GRIK1: variants seen among roughly 807,000 people sequenced by gnomAD.
The protein encoded by GRIK1 is glutamate receptor ionotropic, kainate 1.
Under a neutral mutation model 105.7 loss-of-function variants are expected in GRIK1, and 69 were observed. That is an observed-to-expected ratio of 0.65 (90% CI 0.54 to 0.80). The LOEUF (loss-of-function observed/expected upper bound fraction) is 0.80. GRIK1 is among the 30% of genes least tolerant of loss of function. The probability of loss-of-function intolerance (pLI) is 0.00; values close to 1 mark genes in which losing one functional copy is unlikely to be tolerated. For synonymous variants in GRIK1, 438 were observed against 431.3 expected (o/e 1.02, Z -0.19); for missense variants, 1,109 against 1,167.3 (o/e 0.95, Z 0.73).
At chr21:29,925,224 C>T (rs1406712527) in intron 1 of GRIK1, among the ~76,000 whole-genome samples, 1 of 152,184 alleles carries the variant, frequency 6.6e-6, no homozygotes, top group African/African-American at 2.4e-5. Context: ...AAATTTCTTG[C>T]ATGGTTTTTA....
chr21:29,716,385 A>C (rs1217616315), intron 1 of GRIK1, among the ~76,000 whole-genome samples: 1 of 152,210 alleles, frequency 6.6e-6, no homozygotes, highest in African/African-American at 2.4e-5. Flanking sequence ...AGAAAACAAC[A>C]GGAAAATGTA....
At chr21:29,815,840 A>G (rs760498558) in intron 1 of GRIK1, among the ~76,000 whole-genome samples, 19 of 152,278 alleles carry the variant, frequency 1.2e-4, no homozygotes, top group Non-Finnish European at 2.5e-4. Context: ...ATGAAACTAT[A>G]AAACTACTAG....
intron 1 of GRIK1, among the ~76,000 whole-genome samples, chr21:29,721,072 C>T (rs1253577925): frequency 6.6e-6 from 1 of 152,074 alleles, no homozygotes; most frequent in Non-Finnish European, 1.5e-5. Context: ...TTTACTCTCC[C>T]CCTAAGTTGC....
Position 29,600,820 on chromosome 21 carries a change from C to G in GRIK1, c.1099-1883G>C, listed in dbSNP as rs540378525. Among the ~76,000 whole-genome samples, 4 of 152,328 alleles carry G rather than the reference C, an allele frequency of 2.6e-5. No individual in the cohort carries two copies. In the South Asian group the frequency reaches 6.2e-4, roughly 24 times the overall value. ...AATTCTAGAGTTTGGCTATTACTATCTCACGTTTAGCCTTTACTTGGCTGT... is the reference window on the plus strand; with the variant it reads ...AATTCTAGAGTTTGGCTATTACTATGTCACGTTTAGCCTTTACTTGGCTGT... On this transcript the variant is annotated intron_variant, in intron 7 of 17. Coordinates refer to ENST00000327783, the MANE Select transcript of GRIK1 (RefSeq NM_001330994.2).
intron 1 of GRIK1, among the ~76,000 whole-genome samples, chr21:29,923,041 TTATGTG>T (rs949049974): frequency 2.0e-5 from 3 of 152,276 alleles, no homozygotes; most frequent in East Asian, 1.9e-4. Flanking sequence ...TTGTGTGTGT[TTATGTG>T]TATGTGTATG....
chr21:29,843,176 T>A (rs2068026764), intron 1 of GRIK1, among the ~76,000 whole-genome samples: 1 of 152,126 alleles, frequency 6.6e-6, no homozygotes, highest in Non-Finnish European at 1.5e-5. Flanking sequence ...TTTTAAAAAC[T>A]TGTTGGATTG....
At chr21:29,650,696 C>T (rs974807784) in intron 6 of GRIK1, among the ~76,000 whole-genome samples, 19 of 152,156 alleles carry the variant, frequency 1.2e-4, no homozygotes, top group Admixed American at 9.2e-4. Flanking sequence ...TTTGTAAATC[C>T]GACATTTTTC....
At chr21:29,921,112 T>C (rs575617202) in intron 1 of GRIK1, among the ~76,000 whole-genome samples, 2 of 152,172 alleles carry the variant, frequency 1.3e-5, no homozygotes, top group East Asian at 1.9e-4. Context: ...GTAGCACTCC[T>C]GACCTCTAAC....
At chr21:29,939,131 C>A (rs1241824358) in intron 1 of GRIK1, among the ~76,000 whole-genome samples, 22 of 152,170 alleles carry the variant, frequency 1.4e-4, no homozygotes, top group Admixed American at 1.4e-3. Flanking sequence ...TCCCCGCACT[C>A]TAGCCCGCGT....
chr21:29,691,386 G>A (rs1351256561), intron 2 of GRIK1, among the ~76,000 whole-genome samples: 1 of 152,152 alleles, frequency 6.6e-6, no homozygotes, highest in African/African-American at 2.4e-5. Flanking sequence ...TAATATTATA[G>A]CACTTACCTT....
At chr21:29,886,983 T>G (rs2069655337) in intron 1 of GRIK1, among the ~76,000 whole-genome samples, 2 of 152,188 alleles carry the variant, frequency 1.3e-5, no homozygotes, top group African/African-American at 4.8e-5. Flanking sequence ...GGGGGGATGA[T>G]TAAGGCATAG....
intron 1 of GRIK1, among the ~76,000 whole-genome samples, chr21:29,807,813 G>C (rs761953533): frequency 1.3e-5 from 2 of 152,026 alleles, no homozygotes; most frequent in Non-Finnish European, 2.9e-5. Flanking sequence ...GATGAGTTCA[G>C]AGCATCAGTA....
At chr21:29,871,174 C>T (rs532182401) in intron 1 of GRIK1, among the ~76,000 whole-genome samples, 3 of 152,314 alleles carry the variant, frequency 2.0e-5, no homozygotes, top group East Asian at 1.9e-4. Flanking sequence ...TAGACACAAG[C>T]TTCCAGAGGG....
At chr21:29,597,638 A>G (rs1228228916) in intron 8 of GRIK1, 1 of 468,174 alleles carries the variant, frequency 2.1e-6, no homozygotes, top group Admixed American at 2.4e-5. Flanking sequence ...TGTCAGACCA[A>G]CAGAGGGGCA....
chr21:29,885,160 G>T (rs1325072467), intron 1 of GRIK1, among the ~76,000 whole-genome samples: 1 of 152,014 alleles, frequency 6.6e-6, no homozygotes, highest in African/African-American at 2.4e-5. Flanking sequence ...ATTGTATAAT[G>T]ATCAAATCAG....
intron 3 of GRIK1, among the ~76,000 whole-genome samples, chr21:29,686,146 G>A (rs751870376): frequency 6.6e-6 from 1 of 152,168 alleles, no homozygotes; most frequent in Non-Finnish European, 1.5e-5. Context: ...GTTTTCCCTA[G>A]GTCTTTGGTC....
intron 16 of GRIK1, among the ~76,000 whole-genome samples, chr21:29,550,053 A>G (rs563563447): frequency 7.4e-6 from 1 of 135,224 alleles, no homozygotes; most frequent in South Asian, 2.6e-4. Flanking sequence ...GGTTGCAGTG[A>G]GCCAAGATGG....
At chr21:29,867,686 T>C (rs1376057602) in intron 1 of GRIK1, among the ~76,000 whole-genome samples, 1 of 151,780 alleles carries the variant, frequency 6.6e-6, no homozygotes, top group South Asian at 2.1e-4. Flanking sequence ...CCCAGGTACT[T>C]GGGAAGCTGA....
At chr21:29,690,343 G>A (rs552027366) in intron 2 of GRIK1, among the ~76,000 whole-genome samples, 7 of 152,290 alleles carry the variant, frequency 4.6e-5, no homozygotes, top group African/African-American at 1.7e-4. Flanking sequence ...TTTGCCAAAT[G>A]AGTGTTGTAT....
Sources: gnomAD v4.1 joint callset for allele counts (sites outside exome capture counted in the v4.1 genomes callset) on GRCh38, gnomAD v4.1.1 for gene constraint, MANE v1.5 for transcripts, NCBI Gene and HGNC (gene_info 2026-07-23, HGNC 2026-07-21) for gene names.